The following TMEM248 variants were observed in gnomAD, a reference collection of about 807,000 sequenced individuals.
TMEM248 encodes the protein UPF0458 protein C7orf42.
Under a neutral mutation model 30.3 loss-of-function variants are expected in TMEM248, and 9 were observed. The observed-to-expected ratio is 0.30, with a 90% CI of 0.18 to 0.52. The LOEUF (loss-of-function observed/expected upper bound fraction) is 0.52. Ranked by LOEUF, TMEM248 falls within the 20% of genes least tolerant of loss-of-function variation. TMEM248 has a pLI of 0.97. For missense variants in TMEM248, 338 were observed against 403.3 expected (o/e 0.84, Z 1.39); for synonymous variants, 184 against 154.4 (o/e 1.19, Z -1.42).
chr7:66,943,512 T>G (rs778480887), intron 2 of TMEM248, among the ~76,000 whole-genome samples: 8 of 152,190 alleles, frequency 5.3e-5, no homozygotes, highest in Admixed American at 1.3e-4. Flanking sequence ...TGGGAAACAT[T>G]TGGGGCTGTG....
intron 2 of TMEM248, among the ~76,000 whole-genome samples, chr7:66,944,421 C>T (rs755610997): frequency 2.0e-5 from 3 of 152,004 alleles, no homozygotes; most frequent in Non-Finnish European, 2.9e-5. Flanking sequence ...TTTTTGAAAT[C>T]GTTGCTGCTC....
chr7:66,958,340 G>T lies in TMEM248; in HGVS notation c.*2818G>T, dbSNP rs1033823568. 1.3e-5 allele frequency: 2 copies of T among 152,672 alleles called. No homozygotes were observed. The highest frequency in any genetic ancestry group is 6.6e-5 in the Admixed American group (1 of 15,262). The allele number at this position is 152,672 out of a possible 1,614,324, so 9.5% of individuals were successfully genotyped here. ...TTGTCGTGAGGCACCTGCCATGTCT[G>T]TTGCGTTTTCCTCGGCAGCGTGTAG... On this transcript the variant is annotated 3_prime_UTR_variant, in exon 7 of 7. Coordinates refer to ENST00000341567, the MANE Select transcript of TMEM248 (RefSeq NM_017994.5).
rs527543273 is a variant in TMEM248, at chr7:66,956,894, G to A, written c.*1372G>A. The A allele has an allele frequency of 7.3e-5, 11 of 151,398 alleles. No homozygotes were observed. Among genetic ancestry groups the A allele is most frequent in the Admixed American group, 6.7e-5 (1 of 14,832 alleles). 9.4% of individuals were successfully genotyped at this position (151,398 alleles called of 1,614,324 possible). On this transcript the variant is annotated 3_prime_UTR_variant, in exon 7 of 7. Transcript: ENST00000341567. Reference sequence around the variant, plus strand: ...CTCCCTCTGTTGCCCAGGCTGGTCTGGAACTCCTAGCTTCAAATGATCCTC... The same window carrying A: ...CTCCCTCTGTTGCCCAGGCTGGTCTAGAACTCCTAGCTTCAAATGATCCTC...
intron 1 of TMEM248, among the ~76,000 whole-genome samples, chr7:66,938,394 C>T (rs2129223061): frequency 6.6e-6 from 1 of 152,178 alleles, no homozygotes; most frequent in East Asian, 1.9e-4. Context: ...GGTTGTTGTT[C>T]AAATCAGTGA....
intron 1 of TMEM248, among the ~76,000 whole-genome samples, chr7:66,939,601 A>G (rs956107703): frequency 2.0e-5 from 3 of 152,232 alleles, no homozygotes; most frequent in Non-Finnish European, 2.9e-5. Flanking sequence ...TGTGCCAGCT[A>G]CTGTTCTAGG....
chr7:66,948,503 G>C (rs181500607), intron 3 of TMEM248, 41 bp from the exon 4 acceptor site: 3 of 1,592,212 alleles, frequency 1.9e-6, no homozygotes, highest in Non-Finnish European at 2.6e-6. Flanking sequence ...TGACAAGTAC[G>C]TGGTTCTTGA....
chr7:66,933,642 G>C (rs1049472239), intron 1 of TMEM248, among the ~76,000 whole-genome samples: 2 of 152,156 alleles, frequency 1.3e-5, no homozygotes, highest in African/African-American at 2.4e-5. Flanking sequence ...TAACTTGTGG[G>C]TTGCTAGAGA....
intron 1 of TMEM248, among the ~76,000 whole-genome samples, 189 bp downstream of exon 1, chr7:66,921,650 C>T (rs1791388153): frequency 6.6e-6 from 1 of 152,246 alleles, no homozygotes; most frequent in Admixed American, 6.5e-5. Context: ...CTGGTCCCCC[C>T]ACACTGGGGT....
At chr7:66,952,410 C>G (rs931411256) in intron 5 of TMEM248, among the ~76,000 whole-genome samples, 37 of 152,208 alleles carry the variant, frequency 2.4e-4, no homozygotes, top group Non-Finnish European at 4.6e-4. Context: ...AGGCCAGGGT[C>G]CTGCAGGAGC....
intron 1 of TMEM248, among the ~76,000 whole-genome samples, chr7:66,932,348 T>C (rs1791690064): frequency 6.6e-6 from 1 of 152,204 alleles, no homozygotes; most frequent in Admixed American, 6.5e-5. Flanking sequence ...CTTAAGGAAC[T>C]TGTGTTCTTG....
At chr7:66,933,134 A>G (rs1791710635) in intron 1 of TMEM248, among the ~76,000 whole-genome samples, 1 of 152,200 alleles carries the variant, frequency 6.6e-6, no homozygotes, top group Non-Finnish European at 1.5e-5. Flanking sequence ...TGCTGGGATT[A>G]CAGGCGTGAG....
At chr7:66,925,983 T>C (rs1791513613) in intron 1 of TMEM248, among the ~76,000 whole-genome samples, 1 of 152,214 alleles carries the variant, frequency 6.6e-6, no homozygotes, top group South Asian at 2.1e-4. Context: ...TTTTCCATCT[T>C]GGCTGTACTA....
intron 2 of TMEM248, among the ~76,000 whole-genome samples, chr7:66,942,398 TATC>T (rs1412500949): frequency 6.6e-6 from 1 of 152,258 alleles, no homozygotes; most frequent in Non-Finnish European, 1.5e-5. Flanking sequence ...TAAAACCACA[TATC>T]ATCATGGAGT....
At chr7:66,938,907 G>C (rs140075461) in intron 1 of TMEM248, among the ~76,000 whole-genome samples, 232 of 152,280 alleles carry the variant, frequency 1.5e-3, no homozygotes, top group African/African-American at 5.4e-3. Flanking sequence ...TAAAGGCTTA[G>C]TACCCAAAAC....
At chr7:66,943,724 A>T (rs1453435300) in intron 2 of TMEM248, among the ~76,000 whole-genome samples, 1 of 152,110 alleles carries the variant, frequency 6.6e-6, no homozygotes, top group East Asian at 1.9e-4. Context: ...CAGTCTTACT[A>T]AATGTCACAT....
chr7:66,953,315 C>G lies in TMEM248; in HGVS notation c.870C>G (p.Ile290Met). 1.2e-6 allele frequency: 2 copies of G among 1,614,146 alleles called. No homozygotes were observed. The highest frequency in any genetic ancestry group is 1.1e-5 in the South Asian group (1 of 91,078). Residue 290 changes from isoleucine (I) to methionine (M), a missense_variant, in exon 6 of 7, where the codon ATC becomes ATG. Physicochemically the swap from Ile to Met is conservative, Grantham distance 10. Transcript: ENST00000341567. ...MVITMFCYAV[I>M]KGRPSKLRQS... ...TAACAATGTTTTGCTATGCTGTTAT[C>G]AAGGGCAGACCTAGCAAATTGCGTC... is the stretch of plus-strand genomic sequence containing the variant.
In TMEM248 at chr7:66,958,105, T is replaced by C. The variant is rs1341977071; in HGVS notation, c.*2583T>C. ...TGCTGGTGGACCTCAGGATTCGAAG[T>C]GTGCAACAGACGGAGTGCGCTTGCT... On this transcript the variant is annotated 3_prime_UTR_variant, in exon 7 of 7. Transcript: ENST00000341567. 2 of 152,660 alleles carry C rather than the reference T, an allele frequency of 1.3e-5. No homozygotes were observed. The highest frequency in any genetic ancestry group is 2.4e-5 in the African/African-American group (1 of 41,444). The allele number at this position is 152,660 out of a possible 1,614,324, so 9.5% of individuals were successfully genotyped here.
intron 5 of TMEM248, chr7:66,951,408 G>C: frequency 3.2e-6 from 1 of 309,028 alleles, no homozygotes; most frequent in Non-Finnish European, 5.9e-6. Flanking sequence ...ATCCCTGGGG[G>C]GGGTTACAAG....
intron 1 of TMEM248, among the ~76,000 whole-genome samples, chr7:66,935,911 T>G (rs1791790943): frequency 6.6e-6 from 1 of 152,212 alleles, no homozygotes; most frequent in African/African-American, 2.4e-5. Flanking sequence ...GTAGGTTGTT[T>G]TTGTGTCCTG....
Sources: gnomAD v4.1 joint callset for allele counts (sites outside exome capture counted in the v4.1 genomes callset) on GRCh38, gnomAD v4.1.1 for gene constraint, MANE v1.5 for transcripts, NCBI Gene and HGNC (gene_info 2026-07-23, HGNC 2026-07-21) for gene names.